The following NCKAP1L variants were observed in gnomAD, a reference collection of about 807,000 sequenced individuals.
NCKAP1L encodes the protein nck-associated protein 1-like.
A neutral mutation model predicts 139.2 loss-of-function variants in NCKAP1L; 53 were observed. That is an observed-to-expected ratio of 0.38 (90% CI 0.31 to 0.48). The LOEUF (loss-of-function observed/expected upper bound fraction) is 0.48. Among genes scored for constraint, NCKAP1L ranks in the 20% least tolerant of loss-of-function variants. The pLI is 0.98. For missense variants in NCKAP1L, 1,151 were observed against 1,381.9 expected (o/e 0.83, Z 2.65); for synonymous variants, 468 against 499.7 (o/e 0.94, Z 0.85).
intron 20 of NCKAP1L, 64 bp downstream of exon 20, chr12:54,524,020 G>T: frequency 6.6e-7 from 1 of 1,519,116 alleles, no homozygotes. Flanking sequence ...ATACCTCTAT[G>T]TGTAGTATGG....
intron 17 of NCKAP1L, 22 bp downstream of exon 17, chr12:54,520,848 C>T (rs748119348): frequency 5.6e-6 from 9 of 1,613,862 alleles, no homozygotes; most frequent in Non-Finnish European, 7.6e-6. Flanking sequence ...GATCTCCAGA[C>T]CCTGTCATCT....
At chr12:54,536,067 C>T in intron 27 of NCKAP1L, 62 bp from the exon 28 acceptor site, 1 of 1,203,188 alleles carries the variant, frequency 8.3e-7, no homozygotes, top group Non-Finnish European at 1.2e-6. Context: ...ACCCCTGTAA[C>T]AGATAACTTC....
At chr12:54,499,510 T>C (rs1380734608) in intron 2 of NCKAP1L, 45 bp downstream of exon 2, 1 of 1,141,994 alleles carries the variant, frequency 8.8e-7, no homozygotes, top group South Asian at 1.2e-5. Flanking sequence ...AATTCTCTGC[T>C]TGAATGGCTG....
intron 20 of NCKAP1L, 79 bp downstream of exon 20, chr12:54,524,035 C>A: frequency 2.1e-6 from 3 of 1,455,098 alleles, no homozygotes; most frequent in South Asian, 2.6e-5. Flanking sequence ...GTATGGTGGT[C>A]CTCAAAGTTG....
chr12:54,532,646 C>A (rs75119617), intron 26 of NCKAP1L, among the ~76,000 whole-genome samples: 1,948 of 152,254 alleles, frequency 0.013, 42 homozygotes, highest in African/African-American at 0.044. Flanking sequence ...TTCCCACCCA[C>A]CCTGCCTGCC....
At chr12:54,535,652 A>C (rs1161037896) in intron 27 of NCKAP1L, among the ~76,000 whole-genome samples, 1 of 152,222 alleles carries the variant, frequency 6.6e-6, no homozygotes, top group Non-Finnish European at 1.5e-5. Flanking sequence ...CCCATCTCAC[A>C]CTTAACACTT....
At chr12:54,517,737 T>TA in intron 12 of NCKAP1L, 69 bp from the exon 13 acceptor site, 8 of 1,602,482 alleles carry the variant, frequency 5.0e-6, no homozygotes, top group Non-Finnish European at 5.1e-6. Flanking sequence ...TCTGCCCTGA[T>TA]ATCACTGTGT....
rs1305444101 is a variant in NCKAP1L at position 54,526,714 on chromosome 12, G to A, written c.2343G>A (p.Gly781=). Residue 781 remains glycine (G), a synonymous_variant, in exon 21 of 31, where the codon GGG becomes GGA. Coordinates refer to ENST00000293373, the MANE Select transcript of NCKAP1L (RefSeq NM_005337.5). Reference sequence around the variant, plus strand: ...AGACACAACCACTGGATTCCTGTGGGGAACAGACAATCACCACACTCTACA... The same window carrying A: ...AGACACAACCACTGGATTCCTGTGGAGAACAGACAATCACCACACTCTACA... ...LQQTQPLDSC[G]EQTITTLYTN... is the part of the protein sequence containing the mutation. 6.2e-7 allele frequency: 1 copy of A among 1,613,798 alleles called. No individual in the cohort carries two copies. The highest frequency in any genetic ancestry group is 8.5e-7 in the Non-Finnish European group (1 of 1,179,858).
intron 26 of NCKAP1L, among the ~76,000 whole-genome samples, chr12:54,533,655 C>T (rs1957091474): frequency 6.6e-6 from 1 of 152,146 alleles, no homozygotes; most frequent in African/African-American, 2.4e-5. Flanking sequence ...CAACCTCTAC[C>T]TCCTGGATTC....
intron 9 of NCKAP1L, chr12:54,512,617 A>C: frequency 6.5e-6 from 1 of 154,196 alleles, no homozygotes; most frequent in East Asian, 1.9e-4. Flanking sequence ...GAAAATAAAC[A>C]AATTGTTTGA....
In NCKAP1L at chr12:54,526,752, T is replaced by C. The variant is rs140152733; in HGVS notation, c.2375+6T>C. 1.2e-4 allele frequency: 186 copies of C among 1,611,718 alleles called. 1 individual carries two copies. The East Asian group carries it at 2.8e-3, about 24-fold the overall frequency. ...ACCACACTCTACACAAACTGGTCAG[T>C]GTTGCTTAGGCTTTTCCACTGCCTT... On this transcript the variant is annotated splice_donor_region_variant and intron_variant, in intron 21 of 30. Coordinates refer to ENST00000293373, the MANE Select transcript of NCKAP1L (RefSeq NM_005337.5).
At chr12:54,540,881 T>G (rs1957152667) in intron 30 of NCKAP1L, among the ~76,000 whole-genome samples, 1 of 152,222 alleles carries the variant, frequency 6.6e-6, no homozygotes, top group Non-Finnish European at 1.5e-5. Context: ...TACTTTTTGT[T>G]GGAGGGAGAA....
Position 54,500,588 on chromosome 12 carries a change from A to G in NCKAP1L, c.269A>G (p.Asn90Ser), listed in dbSNP as rs1677628684. The G allele has an allele frequency of 3.1e-6, 5 of 1,613,442 alleles. No homozygotes were observed. In the East Asian group the frequency reaches 1.1e-4, roughly 36 times the overall value. Residue 90 changes from asparagine (N) to serine (S), a missense_variant, in exon 3 of 31, where the codon AAC becomes AGC. Coordinates refer to ENST00000293373, the MANE Select transcript of NCKAP1L (RefSeq NM_005337.5). ...EKAEIIRFLTNYYQSFVDVME... is the reference protein window; with the variant it reads ...EKAEIIRFLTSYYQSFVDVME... ...GCCGAGATAATTAGATTCCTCACCA[A>G]CTACTACCAGTCATTTGTGGATGTC...
intron 26 of NCKAP1L, among the ~76,000 whole-genome samples, chr12:54,534,673 G>A (rs1486694042): frequency 2.0e-5 from 3 of 152,126 alleles, no homozygotes; most frequent in Admixed American, 2.0e-4. Context: ...TGTAGTTTGG[G>A]GACAGTGAAT....
chr12:54,523,775 C>A, intron 19 of NCKAP1L, 50 bp from the exon 20 acceptor site: 1 of 1,587,494 alleles, frequency 6.3e-7, no homozygotes. Context: ...CCTTCCTAGA[C>A]ATTAGCAGGC....
chr12:54,536,952 A>C lies in NCKAP1L; in HGVS notation c.3082A>C (p.Asn1028His). 1 of 1,610,540 alleles carries C rather than the reference A, an allele frequency of 6.2e-7. No individual in the cohort carries two copies. The highest frequency in any genetic ancestry group is 1.1e-5 in the South Asian group (1 of 91,006). The stretch of plus-strand genomic sequence containing the variant: ...TATCAATAATAACCTAGGTTACAAC[A>C]ACAATATTCATTGCTTGACCAAAGC... Reference protein sequence around the residue: ...FYSIEKDGYNNNIHCLTKAII... With the variant: ...FYSIEKDGYNHNIHCLTKAII... Residue 1028 changes from asparagine to histidine, a missense_variant, in exon 29 of 31, where the codon AAC (asparagine) becomes CAC (histidine). Transcript: ENST00000293373.
In NCKAP1L at chr12:54,511,899, T is replaced by G. The variant is rs567382778; in HGVS notation, c.784+48T>G. 1.9e-6 allele frequency: 3 copies of G among 1,614,122 alleles called. No homozygotes were observed. In the South Asian group the frequency reaches 3.3e-5, roughly 18 times the overall value. Reference sequence around the variant, plus strand: ...GGAGTGGATGAAGCAGTATGTTATATGAAGAACAAGTTCTAAAAGTCTTCC... The same window carrying G: ...GGAGTGGATGAAGCAGTATGTTATAGGAAGAACAAGTTCTAAAAGTCTTCC... On this transcript the variant is annotated intron_variant, in intron 8 of 30. Coordinates refer to ENST00000293373, the MANE Select transcript of NCKAP1L (RefSeq NM_005337.5).
rs200936468 is a variant in NCKAP1L at position 54,536,275 on chromosome 12, T to C, written c.3073+30T>C. ...GTAAGGGGTAGGTTTGAGACACCAG[T>C]GCTATTCAAGTTAGTGTCCTGGGGT... On this transcript the variant is annotated intron_variant, in intron 28 of 30. Coordinates refer to ENST00000293373, the MANE Select transcript of NCKAP1L (RefSeq NM_005337.5). 279 of 1,457,308 alleles carry C rather than the reference T, an allele frequency of 1.9e-4. 1 individual carries two copies. The highest frequency in any genetic ancestry group is 2.7e-4 in the South Asian group (24 of 87,882). 90.3% of individuals were successfully genotyped at this position (1,457,308 alleles called of 1,614,324 possible). A position where few individuals can be genotyped will look rare whatever the true frequency, so the allele number is the denominator to read the frequency against.
intron 2 of NCKAP1L, among the ~76,000 whole-genome samples, chr12:54,500,126 CTT>C (rs35014155): frequency 9.5e-4 from 135 of 141,918 alleles, no homozygotes; most frequent in Admixed American, 1.5e-3. Context: ...CTTTTCTTTT[CTT>C]TTTTTTTTTT....
Sources: gnomAD v4.1 joint callset for allele counts (sites outside exome capture counted in the v4.1 genomes callset) on GRCh38, gnomAD v4.1.1 for gene constraint, MANE v1.5 for transcripts, NCBI Gene and HGNC (gene_info 2026-07-23, HGNC 2026-07-21) for gene names.